The following LOC128706665 variants were observed in gnomAD, a reference collection of about 807,000 sequenced individuals.
At chr20:10,428,099 G>A in the LOC128706665 span, among the ~76,000 whole-genome samples, 1 of 152,200 alleles carries the variant, frequency 6.6e-6, no homozygotes, top group Non-Finnish European at 1.5e-5. Flanking sequence ...ACTAATTGTA[G>A]GCAGTCTCAA....
At chr20:10,413,750 CTT>C in the LOC128706665 span, 8 of 594,950 alleles carry the variant, frequency 1.3e-5, no homozygotes, top group South Asian at 1.3e-4. Context: ...CTTCAATACT[CTT>C]TTGTTTGCTT....
At chr20:10,431,945 G>GGA in the LOC128706665 span, 2 of 120,878 alleles carry the variant, frequency 1.7e-5, no homozygotes, top group African/African-American at 6.1e-5. Context: ...TTATTCTCTA[G>GGA]CACGTGATTC....
chr20:10,426,852 G>A, the LOC128706665 span, among the ~76,000 whole-genome samples: 17 of 152,250 alleles, frequency 1.1e-4, no homozygotes, highest in South Asian at 2.1e-4. Context: ...AAACACATCC[G>A]TGACCTACTA....
At chr20:10,425,786 CAA>C in the LOC128706665 span, among the ~76,000 whole-genome samples, 3 of 150,142 alleles carry the variant, frequency 2.0e-5, no homozygotes. Context: ...TGGAGCAAAG[CAA>C]CAAGAGAAAT....
the LOC128706665 span, among the ~76,000 whole-genome samples, chr20:10,420,112 C>T: frequency 6.6e-6 from 1 of 151,618 alleles, no homozygotes; most frequent in Admixed American, 6.6e-5. Flanking sequence ...TCAAAAGTAA[C>T]AAATTATGGT....
At chr20:10,425,879 C>G in the LOC128706665 span, among the ~76,000 whole-genome samples, 1 of 151,834 alleles carries the variant, frequency 6.6e-6, no homozygotes, top group African/African-American at 2.4e-5. Flanking sequence ...AAACATATTT[C>G]TAAAAAAAGA....
chr20:10,432,855 T>C, the LOC128706665 span, among the ~76,000 whole-genome samples: 1 of 149,734 alleles, frequency 6.7e-6, no homozygotes, highest in Non-Finnish European at 1.5e-5. Flanking sequence ...TCCTTCCATG[T>C]ACCTTAAATA....
At chr20:10,428,843 C>CAATA in the LOC128706665 span, among the ~76,000 whole-genome samples, 2 of 151,180 alleles carry the variant, frequency 1.3e-5, no homozygotes, top group South Asian at 2.1e-4. Flanking sequence ...GACTCCGTCT[C>CAATA]AATAAATAAA....
chr20:10,430,937 T>A, the LOC128706665 span, among the ~76,000 whole-genome samples: 7 of 152,326 alleles, frequency 4.6e-5, no homozygotes, highest in African/African-American at 1.7e-4. Flanking sequence ...AGCAAAAGCA[T>A]TGAGTAATGG....
At chr20:10,416,766 T>C in the LOC128706665 span, among the ~76,000 whole-genome samples, 36 of 152,306 alleles carry the variant, frequency 2.4e-4, no homozygotes, top group Middle Eastern at 0.014. Context: ...AATAGTGCAT[T>C]AGACCCATAT....
chr20:10,428,440 C>T, the LOC128706665 span, among the ~76,000 whole-genome samples: 1 of 152,160 alleles, frequency 6.6e-6, no homozygotes, highest in Non-Finnish European at 1.5e-5. Context: ...TTGTATGCTC[C>T]ACCTTCATTT....
At chr20:10,424,776 G>A in the LOC128706665 span, among the ~76,000 whole-genome samples, 2 of 152,060 alleles carry the variant, frequency 1.3e-5, no homozygotes, top group African/African-American at 4.8e-5. Flanking sequence ...TTAGAGCAGG[G>A]CACGGTGGCT....
the LOC128706665 span, among the ~76,000 whole-genome samples, chr20:10,426,057 C>T: frequency 6.6e-6 from 1 of 152,188 alleles, no homozygotes; most frequent in Non-Finnish European, 1.5e-5. Context: ...TCATATTCTT[C>T]TCTCAAAAGT....
chr20:10,424,537 T>C, the LOC128706665 span, among the ~76,000 whole-genome samples: 2 of 152,172 alleles, frequency 1.3e-5, no homozygotes, highest in African/African-American at 4.8e-5. Flanking sequence ...GCAAGACACA[T>C]TAGACCTTAC....
the LOC128706665 span, among the ~76,000 whole-genome samples, chr20:10,433,881 G>A: frequency 1.3e-5 from 2 of 152,180 alleles, no homozygotes; most frequent in Non-Finnish European, 2.9e-5. Context: ...CCTCCTCGCC[G>A]CCCGCATCCG....
the LOC128706665 span, among the ~76,000 whole-genome samples, chr20:10,433,324 C>G: frequency 3.3e-5 from 5 of 152,142 alleles, no homozygotes; most frequent in African/African-American, 4.8e-5. Flanking sequence ...ATTTTCTATC[C>G]GCAGTTGGTT....
chr20:10,415,323 C>A, the LOC128706665 span, among the ~76,000 whole-genome samples: 1 of 152,162 alleles, frequency 6.6e-6, no homozygotes. Flanking sequence ...TAAAAGTAGG[C>A]TACAGCATAG....
the LOC128706665 span, among the ~76,000 whole-genome samples, chr20:10,427,198 A>G: frequency 2.0e-5 from 3 of 152,122 alleles, no homozygotes; most frequent in African/African-American, 7.2e-5. Flanking sequence ...AGTTTTTTTA[A>G]TTGCTTCCTG....
chr20:10,422,015 T>C, the LOC128706665 span, among the ~76,000 whole-genome samples: 1 of 152,222 alleles, frequency 6.6e-6, no homozygotes, highest in South Asian at 2.1e-4. Flanking sequence ...CTAAATGCCA[T>C]TAGAAAAAGG....
Sources: allele counts gnomAD v4.1 joint callset (sites outside exome capture counted in the v4.1 genomes callset), GRCh38; gene constraint gnomAD v4.1.1; transcripts MANE v1.5.